GLYATL3: variants seen among roughly 807,000 people sequenced by gnomAD.
GLYATL3 encodes glycine N-acyltransferase-like protein 3.
In GLYATL3, 31 loss-of-function variants were observed where a neutral mutation model predicts 28.5. That is an observed-to-expected ratio of 1.09 (90% CI 0.82 to 1.47). The LOEUF is 1.47. Among genes scored for constraint, GLYATL3 ranks in the 40% most tolerant of loss-of-function variants. The pLI is 0.00. For synonymous variants in GLYATL3, 141 were observed against 140.2 expected (o/e 1.01, Z -0.04); for missense variants, 369 against 351.5 (o/e 1.05, Z -0.40).
Position 49,526,893 on chromosome 6 carries a change from CTCTGG to C in GLYATL3, c.847_851del (p.Ser283ProfsTer8). ...GGCTTATTCTCACCCCTGCGACTTT[CTCTGG>C]CCTGCCTCACCTCTAGCCCAGTAAA... is the stretch of plus-strand genomic sequence containing the variant. On this transcript the variant is annotated frameshift_variant, in exon 6 of 6. Coordinates refer to ENST00000371197, the MANE Select transcript of GLYATL3 (RefSeq NM_001010904.2). LOFTEE classifies it high-confidence loss of function. 2 of 1,535,276 alleles carry C rather than the reference CTCTGG, an allele frequency of 1.3e-6. No individual in the cohort carries two copies. Among genetic ancestry groups the C allele is most frequent in the Non-Finnish European group, 1.8e-6 (2 of 1,136,874 alleles).
intron 4 of GLYATL3, among the ~76,000 whole-genome samples, chr6:49,519,689 T>C (rs1769280719): frequency 6.6e-6 from 1 of 152,204 alleles, no homozygotes; most frequent in Non-Finnish European, 1.5e-5. Flanking sequence ...GTGGAGCTGC[T>C]TCAGGACTTG....
intron 5 of GLYATL3, 24 bp downstream of exon 5, chr6:49,521,795 T>C (rs1449961223): frequency 2.6e-6 from 4 of 1,548,182 alleles, no homozygotes; most frequent in Non-Finnish European, 2.6e-6. Context: ...GTTTTTGCAT[T>C]TGGGGCAGGA....
chr6:49,521,807 TTACTGCTATAGAAG>T (rs1281014784), intron 5 of GLYATL3, 36 bp downstream of exon 5: 3 of 1,537,252 alleles, frequency 2.0e-6, no homozygotes, highest in Non-Finnish European at 2.6e-6. Flanking sequence ...GGGGCAGGAC[TTACTGCTATAGAAG>T]TACACGTAGC....
intron 2 of GLYATL3, 39 bp from the exon 3 acceptor site, chr6:49,515,614 A>C: frequency 8.8e-7 from 1 of 1,141,018 alleles, no homozygotes. Flanking sequence ...TGAAACAGCT[A>C]ATAGTATGAT....
At position 49,526,925 on chromosome 6, in the gene GLYATL3, A is replaced by G; in HGVS notation, c.*11A>G. 6.7e-7 allele frequency: 1 copy of G among 1,484,616 alleles called. No individual in the cohort carries two copies. The highest frequency in any genetic ancestry group is 1.8e-4 in the Middle Eastern group (1 of 5,690). 92.0% of individuals were successfully genotyped at this position (1,484,616 alleles called of 1,614,324 possible). ...CTGCCTCACCTCTAGCCCAGTAAAA[A>G]ACTGCAGTGGTTTTATTACTTTCCC... On this transcript the variant is annotated 3_prime_UTR_variant, in exon 6 of 6. Transcript: ENST00000371197.
intron 4 of GLYATL3, among the ~76,000 whole-genome samples, chr6:49,519,466 T>C (rs1481174793): frequency 6.6e-6 from 1 of 152,226 alleles, no homozygotes; most frequent in Non-Finnish European, 1.5e-5. Context: ...GTAATAGCTG[T>C]AATGTTCTTG....
At chr6:49,510,109 A>G (rs1769094928) in intron 1 of GLYATL3, among the ~76,000 whole-genome samples, 1 of 151,304 alleles carries the variant, frequency 6.6e-6, no homozygotes, top group Non-Finnish European at 1.5e-5. Flanking sequence ...ATCTTGGCTC[A>G]CCACAACCTC....
rs1769426471 is a variant in GLYATL3 at position 49,526,788 on chromosome 6, G to A, written c.741G>A (p.Gly247=). The A allele has an allele frequency of 6.4e-7, 1 of 1,551,836 alleles. No homozygotes were observed. The highest frequency in any genetic ancestry group is 2.0e-5 in the Admixed American group (1 of 50,992). The stretch of plus-strand genomic sequence containing the variant: ...AAAGCCGGGGATTCCCCTCTCAGGG[G>A]AACGTCCTGGATGACAACACGGCGT... The part of the protein sequence containing the change: ...KLQSRGFPSQ[G]NVLDDNTASI... Residue 247 remains glycine (G), a synonymous_variant, in exon 6 of 6, where the codon GGG becomes GGA. Transcript: ENST00000371197.
intron 1 of GLYATL3, among the ~76,000 whole-genome samples, chr6:49,508,690 C>T (rs552414891): frequency 6.6e-6 from 1 of 152,254 alleles, no homozygotes; most frequent in Admixed American, 6.5e-5. Flanking sequence ...CATAGGCTCT[C>T]TGCAGGGGAA....
At chr6:49,506,790 G>C (rs1769018500) in intron 1 of GLYATL3, among the ~76,000 whole-genome samples, 1 of 152,122 alleles carries the variant, frequency 6.6e-6, no homozygotes, top group Non-Finnish European at 1.5e-5. Flanking sequence ...AGTGGCCACT[G>C]CTCTACCCAA....
intron 1 of GLYATL3, among the ~76,000 whole-genome samples, chr6:49,508,129 T>C (rs1037608147): frequency 1.3e-5 from 2 of 152,040 alleles, no homozygotes; most frequent in Non-Finnish European, 2.9e-5. Flanking sequence ...ACCCCGTCTC[T>C]ACTAAAAATT....
At chr6:49,522,796 T>C (rs1236495937) in intron 5 of GLYATL3, among the ~76,000 whole-genome samples, 2 of 152,174 alleles carry the variant, frequency 1.3e-5, no homozygotes, top group African/African-American at 4.8e-5. Flanking sequence ...TTTTATTGTA[T>C]TTCTAATTAT....
intron 3 of GLYATL3, 114 bp downstream of exon 3, chr6:49,515,874 C>T: frequency 1.7e-6 from 1 of 595,946 alleles, no homozygotes; most frequent in South Asian, 2.0e-5. Flanking sequence ...CACTGTTTCA[C>T]CATTCATTTC....
At chr6:49,508,318 A>G (rs9369904) in intron 1 of GLYATL3, among the ~76,000 whole-genome samples, 81,223 of 151,900 alleles carry the variant, frequency 0.53, 23,027 homozygotes, top group Non-Finnish European at 0.65. Context: ...CAACAACAAC[A>G]ACAACAACAA....
At chr6:49,511,160 T>C (rs1232900205) in intron 1 of GLYATL3, among the ~76,000 whole-genome samples, 2 of 152,210 alleles carry the variant, frequency 1.3e-5, no homozygotes, top group African/African-American at 4.8e-5. Context: ...ATGTAGGAAA[T>C]ATTTTTTTTC....
chr6:49,505,142 G>C (rs1197857637), intron 1 of GLYATL3, among the ~76,000 whole-genome samples: 1 of 152,182 alleles, frequency 6.6e-6, no homozygotes, highest in Non-Finnish European at 1.5e-5. Context: ...ATAATGGCTA[G>C]AGAAACTAGA....
chr6:49,508,877 TGA>T (rs1399655881), intron 1 of GLYATL3, among the ~76,000 whole-genome samples: 1 of 152,106 alleles, frequency 6.6e-6, no homozygotes, highest in Admixed American at 6.6e-5. Context: ...CTCAGGAGGC[TGA>T]GACAGGAGAA....
chr6:49,509,946 T>C (rs1769082853), intron 1 of GLYATL3, among the ~76,000 whole-genome samples: 1 of 62,676 alleles, frequency 1.6e-5, no homozygotes, highest in African/African-American at 4.8e-5. Flanking sequence ...CGTATTTTCT[T>C]TCTCTTTCTT....
intron 3 of GLYATL3, 108 bp downstream of exon 3, chr6:49,515,868 G>T: frequency 4.3e-6 from 2 of 470,314 alleles, no homozygotes; most frequent in Non-Finnish European, 3.6e-6. Flanking sequence ...TTACAACACT[G>T]TTTCACCATT....
Sources: gnomAD v4.1 joint callset for allele counts (sites outside exome capture counted in the v4.1 genomes callset) on GRCh38, gnomAD v4.1.1 for gene constraint, MANE v1.5 for transcripts, NCBI Gene and HGNC (gene_info 2026-07-23, HGNC 2026-07-21) for gene names.